SMAD7: variants seen among roughly 807,000 people sequenced by gnomAD.
SMAD7 encodes SMAD family member 7.
Under a neutral mutation model 38.7 loss-of-function variants are expected in SMAD7, and 8 were observed. The ratio of observed to expected loss-of-function variants is 0.21; its 90% CI spans 0.12 to 0.37. The LOEUF (loss-of-function observed/expected upper bound fraction) is 0.37. Among genes scored for constraint, SMAD7 ranks in the 10% least tolerant of loss-of-function variants. The pLI, the probability that SMAD7 is intolerant of heterozygous loss-of-function variation, is 1.00. For missense variants in SMAD7, 477 were observed against 577.9 expected, an observed-to-expected ratio of 0.83 and a Z score of 1.79; for synonymous variants, 327 against 265.1, an observed-to-expected ratio of 1.23 and a Z score of -2.27.
intron 3 of SMAD7, among the ~76,000 whole-genome samples, chr18:48,925,432 G>GCCC (rs67121063): frequency 1.2e-3 from 146 of 118,144 alleles, no homozygotes; most frequent in East Asian, 7.1e-3. Context: ...TTAAGGTGTT[G>GCCC]CCCCCCCCCA....
chr18:48,949,391 T>C (rs974052967), intron 1 of SMAD7: 24 of 504,448 alleles, frequency 4.8e-5, no homozygotes, highest in Admixed American at 6.4e-5. Flanking sequence ...CAGCCTTCCT[T>C]GGCGGGCCTG....
Position 48,921,713 on chromosome 18 carries a change from G to T in SMAD7, c.940C>A (p.Arg314=), listed in dbSNP as rs747928248. The T allele has an allele frequency of 6.2e-6, 10 of 1,613,944 alleles. No individual in the cohort carries two copies. The South Asian group carries it at 1.1e-4, about 18-fold the overall frequency. The part of the protein sequence containing the change: ...DNKSQLVQKV[R]SKIGCGIQLT... ...TGGATGCCGCAGCCGATTTTGCTCC[G>T]CACCTTCTGCACCAGCTGACTCTTG... The change falls in exon 4 of 4, where the codon CGG becomes AGG. Residue 314 remains arginine, a synonymous_variant. Transcript: ENST00000262158. The surrounding 1 kb of genome is among the most constrained non-coding windows in gnomAD (Gnocchi z 6.4).
chr18:48,943,501 C>G (rs1487099185), intron 2 of SMAD7, among the ~76,000 whole-genome samples: 1 of 152,210 alleles, frequency 6.6e-6, no homozygotes, highest in Non-Finnish European at 1.5e-5. Context: ...GTCCATGAAC[C>G]ACAACTCATT....
At position 48,949,734 on chromosome 18, in the gene SMAD7, C is replaced by A. The variant is rs551398173; in HGVS notation, c.613+78G>T. 69 of 1,456,934 alleles carry A rather than the reference C, an allele frequency of 4.7e-5. No individual in the cohort carries two copies. In the East Asian group the frequency reaches 1.2e-3, roughly 25 times the overall value. The allele number at this position is 1,456,934 out of a possible 1,614,324, so 90.3% of individuals were successfully genotyped here. Reference sequence around the variant, plus strand: ...CACTCCCCCTGGAGGGATGGCTGCACAAACGCACTGCCCTAGGGGCTTTTC... The same window carrying A: ...CACTCCCCCTGGAGGGATGGCTGCAAAAACGCACTGCCCTAGGGGCTTTTC... On this transcript the variant is annotated intron_variant, in intron 1 of 3. Transcript: ENST00000262158.
At chr18:48,934,849 G>T (rs2070045673) in intron 3 of SMAD7, among the ~76,000 whole-genome samples, 1 of 151,556 alleles carries the variant, frequency 6.6e-6, no homozygotes, top group Non-Finnish European at 1.5e-5. Context: ...CTTTTCTCTG[G>T]AGTTATTCTC....
At chr18:48,940,142 C>T (rs59741680) in intron 3 of SMAD7, among the ~76,000 whole-genome samples, 18,110 of 152,128 alleles carry the variant, frequency 0.12, 1,360 homozygotes, top group East Asian at 0.34. Flanking sequence ...AACAGTGTAC[C>T]CTCCCCACCA....
At chr18:48,937,225 AGTCT>A in intron 3 of SMAD7, among the ~76,000 whole-genome samples, 1 of 150,704 alleles carries the variant, frequency 6.6e-6, no homozygotes, top group Non-Finnish European at 1.5e-5. Context: ...TAGGTGTACA[AGTCT>A]ACGCAGCTAC....
intron 3 of SMAD7, 111 bp downstream of exon 3, chr18:48,942,370 A>G: frequency 1.4e-6 from 1 of 711,690 alleles, no homozygotes; most frequent in Non-Finnish European, 2.4e-6. Flanking sequence ...TATAAAAATG[A>G]GAATGAAGTC....
At chr18:48,946,430 C>CGGGG (rs74174734) in intron 2 of SMAD7, among the ~76,000 whole-genome samples, 2,433 of 145,332 alleles carry the variant, frequency 0.017, 71 homozygotes, top group Non-Finnish European at 0.024. Context: ...GTGAGGGGGG[C>CGGGG]GGGGGGGGTG....
At chr18:48,936,077 A>AACACACACAC (rs74174732) in intron 3 of SMAD7, among the ~76,000 whole-genome samples, 2 of 79,480 alleles carry the variant, frequency 2.5e-5, no homozygotes, top group Admixed American at 3.1e-4. Context: ...TCCATCTCAA[A>AACACACACAC]ACACACACAC....
intron 3 of SMAD7, among the ~76,000 whole-genome samples, chr18:48,931,706 G>T (rs1314907873): frequency 4.6e-5 from 7 of 152,230 alleles, no homozygotes; most frequent in African/African-American, 1.4e-4. Context: ...CCAAGCCCAA[G>T]CCCTTATTTT....
chr18:48,922,040 G>T, intron 3 of SMAD7, 130 bp from the exon 4 acceptor site: 1 of 723,828 alleles, frequency 1.4e-6, no homozygotes, highest in Non-Finnish European at 2.2e-6. Flanking sequence ...GAAGGAGGCG[G>T]TGAGGCTAGT....
chr18:48,922,033 G>C, intron 3 of SMAD7, 123 bp from the exon 4 acceptor site: 1 of 772,008 alleles, frequency 1.3e-6, no homozygotes, highest in Non-Finnish European at 2.0e-6. Context: ...ACAGAAAGAA[G>C]GAGGCGGTGA....
rs1027009314 is a variant in SMAD7, at chr18:48,921,515, G to A, written c.1138C>T (p.Pro380Ser). Residue 380 changes from proline to serine, a missense_variant, in exon 4 of 4, where the codon CCC becomes TCC. Around this residue, in one of 2 missense-constraint regions of SMAD7, gnomAD observed 101 missense variants for 198.5 expected, o/e 0.51. Transcript: ENST00000262158. The surrounding 1 kb of genome is among the most constrained non-coding windows in gnomAD (Gnocchi z 6.4). ...TGCTGCATAAACTCGTGGTCATTGG[G>A]CCGCTGCAGGCTGTACGCCTTCTCG... ...DYEKAYSLQR[P>S]NDHEFMQQPW... 6.2e-7 allele frequency: 1 copy of A among 1,614,110 alleles called. No homozygotes were observed. The highest frequency in any genetic ancestry group is 8.5e-7 in the Non-Finnish European group (1 of 1,180,054).
Position 48,923,199 on chromosome 18 carries a change from C to T in SMAD7, c.743-1289G>A, listed in dbSNP as rs1473944587. Among the ~76,000 whole-genome samples the T allele has an allele frequency of 2.0e-5, 3 of 152,238 alleles. No individual in the cohort carries two copies. In the East Asian group the frequency reaches 5.8e-4, roughly 29 times the overall value. On this transcript the variant is annotated intron_variant, in intron 3 of 3. Transcript: ENST00000262158. ...CGTCGGTCAGGGCCTTGCCCTCGCT[C>T]CCTGCAGCCCCAGCTCCTCCTCTTG...
At chr18:48,925,069 CT>C (rs1290414704) in intron 3 of SMAD7, among the ~76,000 whole-genome samples, 1 of 152,246 alleles carries the variant, frequency 6.6e-6, no homozygotes, top group Non-Finnish European at 1.5e-5. Context: ...CTCCCAGGGA[CT>C]TCCCGGGCCA....
intron 3 of SMAD7, among the ~76,000 whole-genome samples, chr18:48,923,808 G>A (rs2069893390): frequency 6.6e-6 from 1 of 152,218 alleles, no homozygotes; most frequent in African/African-American, 2.4e-5. Flanking sequence ...TGATGTCAGT[G>A]TGTACGAGTG....
Position 48,921,327 on chromosome 18 carries a change from G to T in SMAD7, c.*45C>A, listed in dbSNP as rs1400049104. On this transcript the variant is annotated 3_prime_UTR_variant, in exon 4 of 4. Coordinates refer to ENST00000262158, the MANE Select transcript of SMAD7 (RefSeq NM_005904.4). The surrounding 1 kb of genome is among the most constrained non-coding windows in gnomAD (Gnocchi z 6.4). ...GAAAATATTAGCAGCAAAGTAGTTT[G>T]AAGTGTGGCCTGCTCAGCTCACGCT... 3.3e-6 allele frequency: 5 copies of T among 1,519,704 alleles called. No homozygotes were observed. The highest frequency in any genetic ancestry group is 4.5e-6 in the Non-Finnish European group (5 of 1,120,202). 94.1% of individuals were successfully genotyped at this position (1,519,704 alleles called of 1,614,324 possible).
intron 3 of SMAD7, among the ~76,000 whole-genome samples, chr18:48,941,424 C>T (rs535826047): frequency 2.0e-4 from 31 of 152,210 alleles, no homozygotes; most frequent in Admixed American, 4.6e-4. Context: ...GGGAGCCGTC[C>T]GGGAATGAAC....
Sources: allele counts gnomAD v4.1 joint callset (sites outside exome capture counted in the v4.1 genomes callset), GRCh38; gene constraint gnomAD v4.1.1; regional missense constraint gnomAD v4.1.1; non-coding constraint Gnocchi (gnomAD v3.1); transcripts MANE v1.5; gene names NCBI Gene and HGNC (gene_info 2026-07-23, HGNC 2026-07-21).